The following COMMD1 variants were observed in gnomAD, a reference collection of about 807,000 sequenced individuals.
COMMD1 encodes copper metabolism domain containing 1.
COMMD1 carries 10 observed loss-of-function variants against 17.2 expected under a neutral mutation model. The ratio of observed to expected loss-of-function variants is 0.58; its 90% CI spans 0.36 to 0.99. COMMD1 has a LOEUF of 0.99. Among genes scored for constraint, COMMD1 ranks in the 50% least tolerant of loss-of-function variants. COMMD1 has a pLI of 0.01. For synonymous variants in COMMD1, 97 were observed against 91.6 expected, an observed-to-expected ratio of 1.06 and a Z score of -0.34; for missense variants, 270 against 231.8, an observed-to-expected ratio of 1.17 and a Z score of -1.07.
At chr2:62,096,096 CAACT>C (rs1248689830) in intron 2 of COMMD1, among the ~76,000 whole-genome samples, 1 of 151,786 alleles carries the variant, frequency 6.6e-6, no homozygotes, top group Non-Finnish European at 1.5e-5. Flanking sequence ...TAGTGCAAAG[CAACT>C]AACTTTCTCC....
intron 1 of COMMD1, among the ~76,000 whole-genome samples, chr2:61,973,777 G>A (rs1671713952): frequency 6.6e-6 from 1 of 151,992 alleles, no homozygotes; most frequent in Non-Finnish European, 1.5e-5. Context: ...TTTATCTTTT[G>A]CTATTTAAAA....
rs918851519 is a variant in COMMD1 at position 62,085,286 on chromosome 2, C to T, written c.463-50545C>T. Among the ~76,000 whole-genome samples, 8 of 150,522 alleles carry T rather than the reference C, an allele frequency of 5.3e-5. No individual in the cohort carries two copies. The East Asian group carries it at 9.9e-4, about 19-fold the overall frequency. ...AGGCTGGAGTGCAGTGGCGCGATCT[C>T]TGCTCACTGTAAGCTCCACCTCCTG... On this transcript the variant is annotated intron_variant, in intron 2 of 2. Coordinates refer to ENST00000311832, the MANE Select transcript of COMMD1 (RefSeq NM_152516.4).
chr2:61,976,892 G>C (rs544803034), intron 1 of COMMD1, among the ~76,000 whole-genome samples: 59 of 151,036 alleles, frequency 3.9e-4, no homozygotes, highest in Non-Finnish European at 3.8e-4. Flanking sequence ...ACAGTGGTGT[G>C]GTCTCGGCTC....
At chr2:62,103,005 G>T (rs1672227976) in intron 2 of COMMD1, among the ~76,000 whole-genome samples, 2 of 149,272 alleles carry the variant, frequency 1.3e-5, no homozygotes, top group South Asian at 4.2e-4. Context: ...TTGAGACGGA[G>T]GCTCGCTCTG....
At chr2:61,914,036 G>A (rs1355807970) in intron 1 of COMMD1, among the ~76,000 whole-genome samples, 1 of 151,932 alleles carries the variant, frequency 6.6e-6, no homozygotes, top group Non-Finnish European at 1.5e-5. Flanking sequence ...GCCACGTGTG[G>A]TGGTGGGAGC....
At chr2:61,942,260 C>T (rs752062686) in intron 1 of COMMD1, among the ~76,000 whole-genome samples, 1 of 152,010 alleles carries the variant, frequency 6.6e-6, no homozygotes, top group Non-Finnish European at 1.5e-5. Flanking sequence ...TGCGCCACCA[C>T]GGCCAGCTAA....
At chr2:62,015,547 C>T (rs1033064542) in intron 2 of COMMD1, among the ~76,000 whole-genome samples, 2 of 152,072 alleles carry the variant, frequency 1.3e-5, no homozygotes, top group African/African-American at 4.8e-5. Flanking sequence ...TAGGAGTGGA[C>T]TTGTTGGATC....
At chr2:62,017,381 T>G (rs1357003090) in intron 2 of COMMD1, among the ~76,000 whole-genome samples, 1 of 152,122 alleles carries the variant, frequency 6.6e-6, no homozygotes, top group Admixed American at 6.5e-5. Flanking sequence ...AGAATATCAT[T>G]TAAAGGCTGG....
rs577735833 is a variant in COMMD1, at chr2:62,042,622, G to A, written c.462+41640G>A. Among the ~76,000 whole-genome samples, 165 of 152,294 alleles carry A rather than the reference G, an allele frequency of 1.1e-3. 2 individuals carry two copies. The highest frequency in any genetic ancestry group is 3.3e-3 in the African/African-American group (138 of 41,566). On this transcript the variant is annotated intron_variant, in intron 2 of 2. Transcript: ENST00000311832. ...TGCCTCTCCCTCCACACCTCCCCGCGAGCAGGGGGAGCCGGCTCTGGCCTC... is the reference window on the plus strand; with the variant it reads ...TGCCTCTCCCTCCACACCTCCCCGCAAGCAGGGGGAGCCGGCTCTGGCCTC...
intron 1 of COMMD1, among the ~76,000 whole-genome samples, chr2:61,890,826 C>A (rs1428900745): frequency 6.1e-5 from 6 of 98,988 alleles, no homozygotes; most frequent in South Asian, 3.4e-4. Flanking sequence ...GACTTTGTCT[C>A]AAAAAAAAAA....
chr2:62,026,357 C>T (rs960559953), intron 2 of COMMD1, among the ~76,000 whole-genome samples: 7 of 152,068 alleles, frequency 4.6e-5, no homozygotes, highest in African/African-American at 1.4e-4. Context: ...CTTCACATGG[C>T]GATAGCAAGA....
chr2:61,960,932 C>T (rs973642495), intron 1 of COMMD1, among the ~76,000 whole-genome samples: 1 of 152,182 alleles, frequency 6.6e-6, no homozygotes, highest in Non-Finnish European at 1.5e-5. Context: ...TAAGCCACTC[C>T]TTCTTTTTGG....
intron 2 of COMMD1, among the ~76,000 whole-genome samples, chr2:62,132,731 C>G (rs1032736575): frequency 2.0e-5 from 3 of 152,026 alleles, no homozygotes; most frequent in Non-Finnish European, 4.4e-5. Context: ...CACCTGTAAT[C>G]CCAGCCACTC....
intron 1 of COMMD1, chr2:61,918,661 A>G (rs1670108163): frequency 6.6e-6 from 1 of 152,230 alleles, no homozygotes. Flanking sequence ...TGATTTACCT[A>G]TTAAATACAT....
intron 2 of COMMD1, among the ~76,000 whole-genome samples, chr2:62,010,965 T>C (rs952477154): frequency 1.3e-5 from 2 of 152,220 alleles, no homozygotes; most frequent in Non-Finnish European, 2.9e-5. Flanking sequence ...AGATTAATAG[T>C]TCTCTCCCTT....
At chr2:61,954,417 T>A (rs1303957718) in intron 1 of COMMD1, among the ~76,000 whole-genome samples, 1 of 152,178 alleles carries the variant, frequency 6.6e-6, no homozygotes, top group Non-Finnish European at 1.5e-5. Flanking sequence ...CTCCCATGGC[T>A]TGTTTTGTTT....
At chr2:62,098,534 A>G (rs1159702611) in intron 2 of COMMD1, among the ~76,000 whole-genome samples, 3 of 151,794 alleles carry the variant, frequency 2.0e-5, no homozygotes, top group Non-Finnish European at 4.4e-5. Flanking sequence ...AGGGTTGCTA[A>G]CTCCTTATCT....
At chr2:61,929,985 A>C (rs1162558476) in intron 1 of COMMD1, among the ~76,000 whole-genome samples, 1 of 151,888 alleles carries the variant, frequency 6.6e-6, no homozygotes, top group Admixed American at 6.6e-5. Flanking sequence ...ATCATAAGGG[A>C]CTCAGCCATA....
At chr2:62,041,463 T>C (rs1025033617) in intron 2 of COMMD1, among the ~76,000 whole-genome samples, 4 of 152,288 alleles carry the variant, frequency 2.6e-5, no homozygotes, top group Admixed American at 1.3e-4. Flanking sequence ...TGGAGTACAG[T>C]GGTGCTATCA....
Sources: allele counts gnomAD v4.1 joint callset (sites outside exome capture counted in the v4.1 genomes callset), GRCh38; gene constraint gnomAD v4.1.1; transcripts MANE v1.5; gene names NCBI Gene and HGNC (gene_info 2026-07-23, HGNC 2026-07-21).